ATP9B: variants seen among roughly 807,000 people sequenced by gnomAD.
ATP9B encodes the protein probable phospholipid-transporting ATPase IIB.
ATP9B carries 110 observed loss-of-function variants against 146.1 expected under a neutral mutation model. That is an observed-to-expected ratio of 0.75 (90% CI 0.65 to 0.88). ATP9B has a LOEUF of 0.88. ATP9B is among the 40% of genes least tolerant of loss of function. The pLI, the probability that ATP9B is intolerant of heterozygous loss-of-function variation, is 0.00. For synonymous variants in ATP9B, 604 were observed against 569.7 expected (o/e 1.06, Z -0.86); for missense variants, 1,499 against 1,496.4 (o/e 1.00, Z -0.03).
At chr18:79,133,805 G>A (rs2032222) in intron 5 of ATP9B, among the ~76,000 whole-genome samples, 2 of 152,012 alleles carry the variant, frequency 1.3e-5, no homozygotes, top group East Asian at 1.9e-4. Context: ...TCACTAAAGC[G>A]GACTGAGGTC....
At chr18:79,070,249 A>G (rs1396960689) in intron 1 of ATP9B, among the ~76,000 whole-genome samples, 1 of 152,266 alleles carries the variant, frequency 6.6e-6, no homozygotes, top group Admixed American at 6.5e-5. Context: ...TTCCAGAGGA[A>G]TTGTCGAAAA....
At chr18:79,170,196 C>T (rs948402390) in intron 7 of ATP9B, among the ~76,000 whole-genome samples, 15 of 152,178 alleles carry the variant, frequency 9.9e-5, no homozygotes, top group Admixed American at 7.2e-4. Flanking sequence ...GTCCGATGAG[C>T]ACAAGCTCAT....
chr18:79,311,787 G>A (rs183486977), intron 15 of ATP9B, among the ~76,000 whole-genome samples: 60 of 152,202 alleles, frequency 3.9e-4, no homozygotes, highest in Admixed American at 9.8e-4. Context: ...TCTACAGTCC[G>A]TCGCCTTCCT....
At chr18:79,329,955 A>G in intron 16 of ATP9B, 57 bp from the exon 17 acceptor site, 2 of 1,467,786 alleles carry the variant, frequency 1.4e-6, no homozygotes, top group South Asian at 2.3e-5. Context: ...ACTAGCAGTT[A>G]TTTGCCCCGA....
chr18:79,303,061 A>G (rs1055841705), intron 13 of ATP9B, among the ~76,000 whole-genome samples: 4 of 152,342 alleles, frequency 2.6e-5, no homozygotes, highest in African/African-American at 9.6e-5. Context: ...TCATATAACT[A>G]GAGCCCTTCT....
intron 7 of ATP9B, among the ~76,000 whole-genome samples, chr18:79,163,126 C>G (rs932253124): frequency 1.3e-5 from 2 of 152,190 alleles, no homozygotes; most frequent in African/African-American, 4.8e-5. Flanking sequence ...AGATGCAGTT[C>G]TTGTGAAATA....
At chr18:79,177,004 A>G in intron 8 of ATP9B, 97 bp downstream of exon 8, 2 of 999,708 alleles carry the variant, frequency 2.0e-6, no homozygotes, top group Non-Finnish European at 2.9e-6. Context: ...TATTTAATGC[A>G]TTGAGAATTT....
intron 20 of ATP9B, 74 bp downstream of exon 20, chr18:79,342,440 G>T: frequency 9.9e-7 from 1 of 1,006,066 alleles, no homozygotes; most frequent in Non-Finnish European, 1.5e-6. Context: ...GTTTTTGTCA[G>T]AATATATATT....
chr18:79,340,874 TGAA>T (rs1291931457), intron 19 of ATP9B, among the ~76,000 whole-genome samples: 2 of 152,226 alleles, frequency 1.3e-5, no homozygotes, highest in Non-Finnish European at 2.9e-5. Flanking sequence ...CAAACTGCAG[TGAA>T]GGTCTTCATG....
chr18:79,349,373 G>T (rs1263755163), intron 25 of ATP9B, among the ~76,000 whole-genome samples: 1 of 152,208 alleles, frequency 6.6e-6, no homozygotes, highest in Non-Finnish European at 1.5e-5. Flanking sequence ...CCCACTTCAT[G>T]TGTGAGAAAA....
At chr18:79,151,413 A>G (rs1480267812) in intron 6 of ATP9B, among the ~76,000 whole-genome samples, 2 of 152,178 alleles carry the variant, frequency 1.3e-5, no homozygotes, top group Non-Finnish European at 2.9e-5. Context: ...TGGGTGTTAT[A>G]TAGTGTGGTT....
intron 9 of ATP9B, chr18:79,194,295 A>G (rs1237916416): frequency 6.6e-6 from 1 of 152,230 alleles, no homozygotes; most frequent in East Asian, 1.9e-4. Flanking sequence ...TATTTATGTA[A>G]CCACTATTAA....
chr18:79,278,179 C>T (rs2096334600), intron 13 of ATP9B, among the ~76,000 whole-genome samples: 1 of 152,170 alleles, frequency 6.6e-6, no homozygotes, highest in Non-Finnish European at 1.5e-5. Flanking sequence ...CCATTCACAG[C>T]AGCTGCGTCC....
intron 2 of ATP9B, among the ~76,000 whole-genome samples, chr18:79,097,420 T>C (rs2074884494): frequency 6.6e-6 from 1 of 151,866 alleles, no homozygotes; most frequent in South Asian, 2.1e-4. Context: ...TTCATTCCTC[T>C]TCTTAATTCT....
At chr18:79,199,098 C>T (rs988174422) in intron 9 of ATP9B, among the ~76,000 whole-genome samples, 6 of 152,060 alleles carry the variant, frequency 3.9e-5, no homozygotes, top group Admixed American at 6.5e-5. Context: ...ATTAGAGTCA[C>T]GCACTGCCAC....
intron 17 of ATP9B, among the ~76,000 whole-genome samples, chr18:79,332,668 T>G (rs181863924): frequency 1.4e-4 from 22 of 152,286 alleles, no homozygotes; most frequent in Non-Finnish European, 2.4e-4. Flanking sequence ...CTGAAAATAA[T>G]CTGCGTAAAA....
Position 79,238,866 on chromosome 18 carries a change from G to C in ATP9B, c.1108-14515G>C, listed in dbSNP as rs568547698. Among the ~76,000 whole-genome samples the C allele has an allele frequency of 2.6e-5, 4 of 151,604 alleles. No individual in the cohort carries two copies. The East Asian group carries it at 7.7e-4, about 29-fold the overall frequency. On this transcript the variant is annotated intron_variant, in intron 11 of 29. Transcript: ENST00000426216. ...GGCAGTGACGCGGACGCAGTGAAGC[G>C]GATGCAGTGACGCAGACGCACTGCT... is the stretch of plus-strand genomic sequence containing the variant.
rs534112018 is a variant in ATP9B at position 79,352,863 on chromosome 18, T to G, written c.2903+4667T>G. 3.3e-5 allele frequency: 5 copies of G among 152,362 alleles called. No homozygotes were observed. In the East Asian group the frequency reaches 7.7e-4, roughly 23 times the overall value. The allele number at this position is 152,362 out of a possible 1,614,324, so 9.4% of individuals were successfully genotyped here. ...CTTCATAAAAATTAAGTTTTTGCTC[T>G]TCTAAACATAGTACTAATCAAGTAA... On this transcript the variant is annotated intron_variant, in intron 25 of 29. Transcript: ENST00000426216.
chr18:79,291,646 T>A (rs144027513), intron 13 of ATP9B, among the ~76,000 whole-genome samples: 1 of 152,354 alleles, frequency 6.6e-6, no homozygotes, highest in African/African-American at 2.4e-5. Context: ...TTTATTCACA[T>A]GGACAGAATA....
Sources: gnomAD v4.1 joint callset for allele counts (sites outside exome capture counted in the v4.1 genomes callset) on GRCh38, gnomAD v4.1.1 for gene constraint, MANE v1.5 for transcripts, NCBI Gene and HGNC (gene_info 2026-07-23, HGNC 2026-07-21) for gene names.